Variants in FOXP2 observed in about 807,000 individuals in gnomAD.
FOXP2 encodes the protein forkhead box P2, also known as forkhead box protein P2.
A neutral mutation model predicts 115.8 loss-of-function variants in FOXP2; 12 were observed. The observed-to-expected ratio is 0.10, with a 90% confidence interval of 0.07 to 0.17. FOXP2 has a LOEUF of 0.17. Among genes scored for constraint, FOXP2 ranks in the 10% least tolerant of loss-of-function variants. FOXP2 has a pLI of 1.00. For missense variants in FOXP2, 629 were observed against 843.5 expected, an observed-to-expected ratio of 0.75 and a Z score of 3.15; for synonymous variants, 328 against 297.7, an observed-to-expected ratio of 1.10 and a Z score of -1.05.
At chr7:114,487,838 C>T (rs181281490) in intron 2 of FOXP2, among the ~76,000 whole-genome samples, 5 of 152,290 alleles carry the variant, frequency 3.3e-5, no homozygotes, top group South Asian at 2.1e-4. Flanking sequence ...TGGTCAAAGC[C>T]GTTCAACAAG....
intron 6 of FOXP2, among the ~76,000 whole-genome samples, chr7:114,635,283 CTGCTTAATCAA>C (rs1331912669): frequency 6.6e-6 from 1 of 152,146 alleles, no homozygotes; most frequent in Non-Finnish European, 1.5e-5. Flanking sequence ...CCTGGATTTA[CTGCTTAATCAA>C]TGATCTTGTG....
At chr7:114,630,684 T>G (rs1240190919) in intron 5 of FOXP2, 1 of 153,574 alleles carries the variant, frequency 6.5e-6, no homozygotes, top group Non-Finnish European at 1.4e-5. Context: ...CTCCTGAGGC[T>G]TTGTTTCTGT....
chr7:114,229,396 G>A (rs879301445), intron 1 of FOXP2, among the ~76,000 whole-genome samples: 22 of 151,468 alleles, frequency 1.5e-4, no homozygotes, highest in Non-Finnish European at 2.4e-4. Flanking sequence ...GACTTGAACC[G>A]CACTGTATGG....
At chr7:114,347,117 C>T (rs1791366390) in intron 2 of FOXP2, among the ~76,000 whole-genome samples, 1 of 151,784 alleles carries the variant, frequency 6.6e-6, no homozygotes, top group Non-Finnish European at 1.5e-5. Context: ...TTACTAACAG[C>T]CATTTAAACC....
chr7:114,288,991 A>T (rs1465239005), intron 2 of FOXP2, among the ~76,000 whole-genome samples: 2 of 151,810 alleles, frequency 1.3e-5, no homozygotes, highest in East Asian at 3.9e-4. Flanking sequence ...AGGCCTCAGG[A>T]TCTTCACTTT....
chr7:114,294,647 C>T (rs1796692602), intron 2 of FOXP2, among the ~76,000 whole-genome samples: 1 of 151,862 alleles, frequency 6.6e-6, no homozygotes, highest in African/African-American at 2.4e-5. Flanking sequence ...TAGAGACCAG[C>T]CTGACCAACA....
chr7:114,656,573 C>A, intron 10 of FOXP2: 1 of 417,974 alleles, frequency 2.4e-6, no homozygotes, highest in Non-Finnish European at 4.8e-6. Flanking sequence ...CATTTAGGAG[C>A]ATTATCTCAG....
At chr7:114,686,232 G>C (rs1459054277) in intron 16 of FOXP2, among the ~76,000 whole-genome samples, 1 of 151,704 alleles carries the variant, frequency 6.6e-6, no homozygotes, top group Non-Finnish European at 1.5e-5. Context: ...GAGTCCAGTG[G>C]CACTGTTTCG....
rs1808604750 is a variant in FOXP2 at position 114,690,398 on chromosome 7, A to G, written c.*472A>G. On this transcript the variant is annotated 3_prime_UTR_variant, in exon 17 of 17. Coordinates refer to ENST00000350908, the MANE Select transcript of FOXP2 (RefSeq NM_014491.4). The stretch of plus-strand genomic sequence containing the variant: ...TGCTGGTCAAGTTCAACTTGTTGCT[A>G]TTGTTTTTAATTTGCACAGGAGTAG... 2.2e-6 allele frequency: 1 copy of G among 453,886 alleles called. No individual in the cohort carries two copies. Among genetic ancestry groups the G allele is most frequent in the African/African-American group, 2.0e-5 (1 of 49,992 alleles). The allele number at this position is 453,886 out of a possible 1,614,324, so 28.1% of individuals were successfully genotyped here.
chr7:114,672,300 G>A (rs191666184), intron 16 of FOXP2, among the ~76,000 whole-genome samples: 1 of 152,024 alleles, frequency 6.6e-6, no homozygotes, highest in African/African-American at 2.4e-5. Context: ...AGTACATATT[G>A]TTGGCCGGGT....
intron 1 of FOXP2, among the ~76,000 whole-genome samples, chr7:114,156,792 GC>G (rs1190185831): frequency 6.6e-6 from 1 of 152,074 alleles, no homozygotes; most frequent in African/African-American, 2.4e-5. Flanking sequence ...TATGTAGTGG[GC>G]CTTAGGAAAG....
chr7:114,294,179 T>G (rs1426211240), intron 2 of FOXP2, among the ~76,000 whole-genome samples: 3 of 152,192 alleles, frequency 2.0e-5, no homozygotes. Flanking sequence ...GAAGCTGCTT[T>G]TAATATCTTG....
At chr7:114,502,165 A>T (rs1287022522) in intron 2 of FOXP2, among the ~76,000 whole-genome samples, 2 of 152,036 alleles carry the variant, frequency 1.3e-5, no homozygotes, top group African/African-American at 4.8e-5. Context: ...AATATTGTAA[A>T]TTTTTTTGGT....
chr7:114,413,224 G>A (rs1299667916), upstream of FOXP2, among the ~76,000 whole-genome samples: 1 of 152,062 alleles, frequency 6.6e-6, no homozygotes, highest in African/African-American at 2.4e-5. Context: ...ATTATTCACA[G>A]TTTCTTTGAA....
At chr7:114,652,182 T>C in intron 8 of FOXP2, 21 bp from the exon 9 acceptor site, 1 of 1,610,824 alleles carries the variant, frequency 6.2e-7, no homozygotes, top group Non-Finnish European at 8.5e-7. Flanking sequence ...ACATTCTGTT[T>C]TGTGTCTTCT....
chr7:114,512,503 G>GT (rs1562968390), intron 2 of FOXP2, among the ~76,000 whole-genome samples: 2 of 152,268 alleles, frequency 1.3e-5, no homozygotes, highest in Admixed American at 1.3e-4. Flanking sequence ...GTGGCTCCAT[G>GT]TAACAGTTCT....
At chr7:114,088,166 A>G (rs1329520971) in intron 1 of FOXP2, 1 of 139,766 alleles carries the variant, frequency 7.2e-6, no homozygotes, top group Non-Finnish European at 1.5e-5. Context: ...TCCCCACCAC[A>G]TATTAAAATC....
At chr7:114,399,978 T>C (rs1386261183) in intron 2 of FOXP2, among the ~76,000 whole-genome samples, 2 of 150,544 alleles carry the variant, frequency 1.3e-5, no homozygotes, top group Non-Finnish European at 2.9e-5. Context: ...TGCCTCAGCC[T>C]TCTGAGTAGC....
intron 2 of FOXP2, among the ~76,000 whole-genome samples, chr7:114,530,665 G>T (rs1183897541): frequency 1.3e-5 from 2 of 151,712 alleles, no homozygotes; most frequent in East Asian, 3.9e-4. Context: ...TATTTATCTG[G>T]CAGGTTACAA....
Sources: allele counts gnomAD v4.1 joint callset (sites outside exome capture counted in the v4.1 genomes callset), GRCh38; gene constraint gnomAD v4.1.1; transcripts MANE v1.5; gene names NCBI Gene and HGNC (gene_info 2026-07-23, HGNC 2026-07-21).